FBXW7: variants seen among roughly 807,000 people sequenced by gnomAD.
FBXW7 encodes F-box and WD repeat domain containing 7.
A neutral mutation model predicts 86.3 loss-of-function variants in FBXW7; 11 were observed. That is an observed-to-expected ratio of 0.13 (90% CI 0.08 to 0.21). The LOEUF is 0.21. Among genes scored for constraint, FBXW7 ranks in the 10% least tolerant of loss-of-function variants. FBXW7 has a pLI of 1.00. For missense variants in FBXW7, 488 were observed against 847.4 expected (o/e 0.58, Z 5.27); for synonymous variants, 313 against 297.9 (o/e 1.05, Z -0.52).
intron 2 of FBXW7, among the ~76,000 whole-genome samples, chr4:152,500,970 G>A (rs569535519): frequency 1.3e-5 from 2 of 152,210 alleles, no homozygotes; most frequent in South Asian, 4.1e-4. Flanking sequence ...GCAGCATTAT[G>A]GTACTCAAAT....
intron 2 of FBXW7, among the ~76,000 whole-genome samples, chr4:152,491,473 T>TA (rs1228123862): frequency 6.6e-6 from 1 of 152,122 alleles, no homozygotes; most frequent in Non-Finnish European, 1.5e-5. Context: ...CAGGGGCACT[T>TA]AAAACTAGTG....
rs1207164272 is a variant in FBXW7, at chr4:152,411,819, TGCTACTTC to T, written c.-24_-17del. ...CCTGATTCATTTCCAAAAGCCAGCT[TGCTACTTC>T]TTGGACCTTGGCTAGACTATCAGAA... is the stretch of plus-strand genomic sequence containing the variant. On this transcript the variant is annotated 5_prime_UTR_variant, in exon 4 of 14. Coordinates refer to ENST00000281708, the MANE Select transcript of FBXW7 (RefSeq NM_001349798.2). The T allele has an allele frequency of 1.3e-6, 2 of 1,589,298 alleles. No homozygotes were observed. Among genetic ancestry groups the T allele is most frequent in the Non-Finnish European group, 1.7e-6 (2 of 1,166,264 alleles).
At chr4:152,506,706 C>T (rs74812664) in intron 2 of FBXW7, among the ~76,000 whole-genome samples, 2,122 of 152,236 alleles carry the variant, frequency 0.014, 27 homozygotes, top group Middle Eastern at 0.037. Flanking sequence ...TTAAATGAAA[C>T]GTATTATAGC....
At chr4:152,463,504 A>C (rs1392619030) in intron 2 of FBXW7, among the ~76,000 whole-genome samples, 1 of 152,048 alleles carries the variant, frequency 6.6e-6, no homozygotes, top group Non-Finnish European at 1.5e-5. Flanking sequence ...GTAGACAAGA[A>C]GTGGTCAGAG....
At chr4:152,396,755 T>C (rs924694778) in intron 4 of FBXW7, among the ~76,000 whole-genome samples, 6 of 152,070 alleles carry the variant, frequency 3.9e-5, no homozygotes, top group African/African-American at 1.2e-4. Flanking sequence ...CCTAAGCTCA[T>C]GTCAATCTGC....
chr4:152,464,174 A>C (rs1743204649), intron 2 of FBXW7, among the ~76,000 whole-genome samples: 1 of 152,202 alleles, frequency 6.6e-6, no homozygotes, highest in African/African-American at 2.4e-5. Flanking sequence ...TAATAGTCAA[A>C]CTTCAGAAAG....
chr4:152,526,178 T>C (rs188152941), intron 2 of FBXW7, among the ~76,000 whole-genome samples: 47 of 152,318 alleles, frequency 3.1e-4, no homozygotes, highest in African/African-American at 1.0e-3. Context: ...CTTATAGACG[T>C]TGGACAATAG....
chr4:152,497,968 G>T (rs1393071857), intron 2 of FBXW7, among the ~76,000 whole-genome samples: 1 of 152,150 alleles, frequency 6.6e-6, no homozygotes, highest in Non-Finnish European at 1.5e-5. Context: ...CATCTTTTGT[G>T]TAAATGTTTT....
At position 152,502,018 on chromosome 4, in the gene FBXW7, T is replaced by TTC. The variant is rs1487674013; in HGVS notation, c.-120+32922_-120+32923insGA. On this transcript the variant is annotated intron_variant, in intron 2 of 13. Transcript: ENST00000281708. ...TAGGGTGCTTGATTCAGAAGTCCCC[T>TTC]TGGTACTGTTCCTATGACATCAGCC... Among the ~76,000 whole-genome samples the TTC allele has an allele frequency of 2.6e-5, 4 of 152,324 alleles. No individual in the cohort carries two copies. In the East Asian group the frequency reaches 7.7e-4, roughly 29 times the overall value.
intron 4 of FBXW7, among the ~76,000 whole-genome samples, chr4:152,384,227 A>G (rs1428987746): frequency 6.6e-6 from 1 of 152,156 alleles, no homozygotes; most frequent in Non-Finnish European, 1.5e-5. Flanking sequence ...AGATACCTGT[A>G]TACACATGCT....
intron 7 of FBXW7, 137 bp downstream of exon 7, chr4:152,337,665 C>G: frequency 1.2e-6 from 1 of 808,588 alleles, no homozygotes; most frequent in East Asian, 2.7e-5. Context: ...CAATTTACAG[C>G]CCTCTTTACC....
intron 2 of FBXW7, among the ~76,000 whole-genome samples, chr4:152,443,082 G>A (rs186573085): frequency 1.4e-4 from 22 of 152,250 alleles, no homozygotes; most frequent in Non-Finnish European, 3.1e-4. Context: ...GACCAACACG[G>A]AGAAGCCCTG....
intron 4 of FBXW7, among the ~76,000 whole-genome samples, chr4:152,373,957 G>A (rs1156751009): frequency 6.6e-6 from 1 of 151,898 alleles, no homozygotes; most frequent in Admixed American, 6.6e-5. Flanking sequence ...AAGACCAAAG[G>A]ATCTAAAATA....
rs1002744313 is a variant in FBXW7, at chr4:152,418,411, A to T, written c.-119-5882T>A. On this transcript the variant is annotated intron_variant, in intron 2 of 13. Coordinates refer to ENST00000281708, the MANE Select transcript of FBXW7 (RefSeq NM_001349798.2). ...TTTTGAAAAACATGTTACAAAAGAAAATCTTGAAATGTTTCTATTGCTGTT... is the reference window on the plus strand; with the variant it reads ...TTTTGAAAAACATGTTACAAAAGAATATCTTGAAATGTTTCTATTGCTGTT... Among the ~76,000 whole-genome samples, 9 of 152,194 alleles carry T rather than the reference A, an allele frequency of 5.9e-5. No individual in the cohort carries two copies. The East Asian group carries it at 1.5e-3, about 26-fold the overall frequency.
intron 2 of FBXW7, among the ~76,000 whole-genome samples, chr4:152,524,146 C>G (rs1474135137): frequency 1.3e-5 from 2 of 152,158 alleles, no homozygotes; most frequent in Non-Finnish European, 2.9e-5. Context: ...TCACTCAATC[C>G]TCTTAATTAC....
rs573681596 is a variant in FBXW7 at position 152,452,205 on chromosome 4, G to T, written c.-119-39676C>A. On this transcript the variant is annotated intron_variant, in intron 2 of 13. Coordinates refer to ENST00000281708, the MANE Select transcript of FBXW7 (RefSeq NM_001349798.2). ...AAATGAAAACTATTTAAACTTCTCA[G>T]CTTTATTTTCTAACAGGGTAAATAT... Among the ~76,000 whole-genome samples, 22 of 152,228 alleles carry T rather than the reference G, an allele frequency of 1.4e-4. 1 individual carries two copies. The East Asian group carries it at 2.1e-3, about 15-fold the overall frequency.
intron 4 of FBXW7, among the ~76,000 whole-genome samples, chr4:152,400,429 T>C (rs1325478863): frequency 1.3e-5 from 2 of 152,112 alleles, no homozygotes; most frequent in Non-Finnish European, 2.9e-5. Context: ...ACATCCTTGA[T>C]GTCCCAGGCT....
chr4:152,473,505 G>A (rs1248782158), intron 2 of FBXW7, among the ~76,000 whole-genome samples: 1 of 152,096 alleles, frequency 6.6e-6, no homozygotes, highest in Non-Finnish European at 1.5e-5. Flanking sequence ...TATTTTAAAA[G>A]ATGAGGTCTT....
At chr4:152,442,343 A>C (rs1740968351) in intron 2 of FBXW7, among the ~76,000 whole-genome samples, 1 of 152,206 alleles carries the variant, frequency 6.6e-6, no homozygotes, top group African/African-American at 2.4e-5. Context: ...AGCAAAAACG[A>C]AATCTATGGC....
Sources: gnomAD v4.1 joint callset for allele counts (sites outside exome capture counted in the v4.1 genomes callset) on GRCh38, gnomAD v4.1.1 for gene constraint, MANE v1.5 for transcripts, NCBI Gene and HGNC (gene_info 2026-07-23, HGNC 2026-07-21) for gene names.